The following BRWD3 variants were observed in gnomAD, a reference collection of about 807,000 sequenced individuals.
The protein encoded by BRWD3 is bromodomain and WD repeat-containing protein 3.
BRWD3 carries 10 observed loss-of-function variants against 149.7 expected under a neutral mutation model. The observed-to-expected ratio is 0.07, with a 90% confidence interval of 0.04 to 0.11. The LOEUF is 0.11. Among genes scored for constraint, BRWD3 ranks in the 10% least tolerant of loss-of-function variants. BRWD3 has a pLI of 1.00. For synonymous variants in BRWD3, 504 were observed against 456.7 expected (o/e 1.10, Z -1.32); for missense variants, 940 against 1,373.2 (o/e 0.68, Z 4.99).
Position 80,686,939 on chromosome X carries a change from T to C in BRWD3, c.3929A>G (p.Lys1310Arg). Residue 1310 changes from lysine (K) to arginine (R), a missense_variant, in exon 35 of 41, where the codon AAG becomes AGG. Transcript: ENST00000373275. ...CNPDAWKKQC[K>R]ELLSLIYERE... is the part of the protein sequence containing the mutation. ...TTCATAAATGAGGCTCAATAGTTCC[T>C]TGCATTGTTTTTTCCAAGCATCAGG... 1 of 1,209,678 alleles carries C rather than the reference T, an allele frequency of 8.3e-7. No homozygotes were observed. Among genetic ancestry groups the C allele is most frequent in the African/African-American group, 1.7e-5 (1 of 57,663 alleles).
intron 6 of BRWD3, among the ~76,000 whole-genome samples, chrX:80,747,110 A>T (rs905060519): frequency 2.7e-5 from 3 of 110,090 alleles, no homozygotes; most frequent in Non-Finnish European, 5.7e-5. Context: ...AAGGACTGGT[A>T]CCCTAATTTG....
At chrX:80,698,718 A>AC (rs1393281284) in intron 25 of BRWD3, among the ~76,000 whole-genome samples, 10 of 107,744 alleles carry the variant, frequency 9.3e-5, no homozygotes, top group African/African-American at 3.4e-4. Flanking sequence ...TAAAAAAAAA[A>AC]AAAGAGTAAG....
intron 40 of BRWD3, among the ~76,000 whole-genome samples, chrX:80,680,403 A>G (rs1237115518): frequency 8.9e-6 from 1 of 112,273 alleles, no homozygotes; most frequent in Non-Finnish European, 1.9e-5. Context: ...GTAAAATAGC[A>G]TCTCCTTATA....
chrX:80,783,616 G>T (rs2074079170), intron 6 of BRWD3, among the ~76,000 whole-genome samples: 2 of 110,740 alleles, frequency 1.8e-5, no homozygotes, highest in South Asian at 7.6e-4. Flanking sequence ...AGAGATATCT[G>T]CACTCCCATG....
At chrX:80,770,688 G>C (rs747401442) in intron 6 of BRWD3, among the ~76,000 whole-genome samples, 1 of 111,872 alleles carries the variant, frequency 8.9e-6, no homozygotes, top group East Asian at 2.8e-4. Flanking sequence ...TTGAAAACTG[G>C]GACAAGACAG....
chrX:80,770,188 A>G (rs755373725), intron 6 of BRWD3, among the ~76,000 whole-genome samples: 2 of 111,828 alleles, frequency 1.8e-5, no homozygotes, highest in South Asian at 7.5e-4. Flanking sequence ...AGGAGCTGGT[A>G]CCATTCCTTC....
chrX:80,741,703 G>T (rs1406398023), intron 8 of BRWD3, among the ~76,000 whole-genome samples: 1 of 112,221 alleles, frequency 8.9e-6, no homozygotes, highest in Non-Finnish European at 1.9e-5. Flanking sequence ...CTGCATAAAT[G>T]TCTTCTTTTG....
In BRWD3 at chrX:80,734,170, T is replaced by C; in HGVS notation, c.1034A>G (p.Tyr345Cys). The C allele has an allele frequency of 8.3e-7, 1 of 1,203,708 alleles. No homozygotes were observed. The highest frequency in any genetic ancestry group is 1.1e-6 in the Non-Finnish European group (1 of 888,528). ...TGSTDHVIRI[Y>C]YLGSEVPEKI... ...CTCAGGAACCTCAGAACCCAAATAA[T>C]ATATTCTAATCACATGGTCAGTACT... The change falls in exon 11 of 41, where the codon TAT becomes TGT. Residue 345 changes from tyrosine (Y) to cysteine (C), a missense_variant. Physicochemically the swap from Tyr to Cys is radical, Grantham distance 194 (BLOSUM62 -2). Coordinates refer to ENST00000373275, the MANE Select transcript of BRWD3 (RefSeq NM_153252.5).
chrX:80,738,838 A>C (rs1035050892), intron 8 of BRWD3, among the ~76,000 whole-genome samples: 1 of 111,919 alleles, frequency 8.9e-6, no homozygotes, highest in African/African-American at 3.2e-5. Context: ...AGTGGCCAGC[A>C]GTAAGCAGAG....
At chrX:80,739,541 G>A (rs1315953012) in intron 8 of BRWD3, among the ~76,000 whole-genome samples, 1 of 110,723 alleles carries the variant, frequency 9.0e-6, no homozygotes, top group African/African-American at 3.3e-5. Flanking sequence ...GATCTCTAAG[G>A]CACTACAATA....
At chrX:80,761,825 T>G (rs757836415) in intron 6 of BRWD3, among the ~76,000 whole-genome samples, 2 of 111,526 alleles carry the variant, frequency 1.8e-5, no homozygotes, top group Admixed American at 9.6e-5. Context: ...CATCACATCA[T>G]TTCTTATTGG....
chrX:80,677,018 G>T lies in BRWD3; in HGVS notation c.5000C>A (p.Thr1667Asn). The change falls in exon 41 of 41, where the codon ACC becomes AAC. Residue 1667 changes from threonine to asparagine, a missense_variant. Thr to Asn is a moderately conservative substitution (Grantham distance 65). This residue lies in a region of BRWD3 where 349 missense variants were observed against 419.6 expected (regional missense o/e 0.83). Coordinates refer to ENST00000373275, the MANE Select transcript of BRWD3 (RefSeq NM_153252.5). ...QHGNGKRNWK[T>N]RGTGGRGRWG... ...TCTGCCTCTTCCTCCTGTGCCTCTG[G>T]TCTTCCAATTTCTTTTTCCATTGCC... 1 of 1,210,317 alleles carries T rather than the reference G, an allele frequency of 8.3e-7. No homozygotes were observed.
In BRWD3 at chrX:80,674,465, C is replaced by G. The variant is rs1038463709; in HGVS notation, c.*2144G>C. 4.5e-5 allele frequency: 5 copies of G among 110,954 alleles called. No individual in the cohort carries two copies. Among genetic ancestry groups the G allele is most frequent in the Non-Finnish European group, 7.6e-5 (4 of 52,871 alleles). 9.1% of individuals were successfully genotyped at this position (110,954 alleles called of 1,213,427 possible). On this transcript the variant is annotated 3_prime_UTR_variant, in exon 41 of 41. Coordinates refer to ENST00000373275, the MANE Select transcript of BRWD3 (RefSeq NM_153252.5). The stretch of plus-strand genomic sequence containing the variant: ...ACATGTGATCCATATTTGGGTATAT[C>G]CAGGAATTTAAGTAACTATGTTACT...
intron 6 of BRWD3, among the ~76,000 whole-genome samples, chrX:80,790,905 A>T (rs1484723672): frequency 1.8e-5 from 2 of 112,169 alleles, no homozygotes; most frequent in Non-Finnish European, 3.8e-5. Flanking sequence ...CTCTTGGAAA[A>T]AAAAAAGTTA....
rs1187056125 is a variant in BRWD3 at position 80,670,609 on chromosome X, G to A, written c.*6000C>T. On this transcript the variant is annotated 3_prime_UTR_variant, in exon 41 of 41. Coordinates refer to ENST00000373275, the MANE Select transcript of BRWD3 (RefSeq NM_153252.5). ...AAAAAAAAAATTGTTTTGTAGATAC[G>A]GTGTCTCACTATGCTGCCCAGGCTG... Among the ~76,000 whole-genome samples, 5 of 109,625 alleles carry A rather than the reference G, an allele frequency of 4.6e-5. No individual in the cohort carries two copies. Among genetic ancestry groups the A allele is most frequent in the South Asian group, 4.0e-4 (1 of 2,527 alleles).
chrX:80,709,919 G>A, intron 20 of BRWD3: 2 of 837,247 alleles, frequency 2.4e-6, no homozygotes, highest in South Asian at 2.1e-5. Flanking sequence ...GACCTGTGCT[G>A]GAACCACATT....
At chrX:80,805,282 A>C (rs1339582927) in intron 4 of BRWD3, among the ~76,000 whole-genome samples, 1 of 111,686 alleles carries the variant, frequency 9.0e-6, no homozygotes, top group Non-Finnish European at 1.9e-5. Context: ...ATGTTGAAGA[A>C]ATTCAATTTA....
intron 36 of BRWD3, among the ~76,000 whole-genome samples, chrX:80,684,998 G>T (rs1443074702): frequency 9.0e-6 from 1 of 111,363 alleles, no homozygotes; most frequent in Non-Finnish European, 1.9e-5. Flanking sequence ...ATTTTTCAAA[G>T]TATGAGAAGA....
At chrX:80,771,042 T>C (rs772168029) in intron 6 of BRWD3, among the ~76,000 whole-genome samples, 24 of 111,441 alleles carry the variant, frequency 2.2e-4, no homozygotes, top group African/African-American at 5.2e-4. Flanking sequence ...ATCCAACTTA[T>C]AAGGGATGTG....
Sources: gnomAD v4.1 joint callset for allele counts (sites outside exome capture counted in the v4.1 genomes callset) on GRCh38, gnomAD v4.1.1 for gene constraint, gnomAD v4.1.1 regional missense constraint, MANE v1.5 for transcripts, NCBI Gene and HGNC (gene_info 2026-07-23, HGNC 2026-07-21) for gene names.